Variants in BNC2 observed in about 807,000 individuals in gnomAD.
BNC2 encodes zinc finger protein basonuclin-2.
A neutral mutation model predicts 76.3 loss-of-function variants in BNC2; 20 were observed. That is an observed-to-expected ratio of 0.26 (90% CI 0.18 to 0.38). The LOEUF is 0.38. Ranked by LOEUF, BNC2 falls within the 10% of genes least tolerant of loss-of-function variation. BNC2 has a pLI of 1.00. For synonymous variants in BNC2, 582 were observed against 514.8 expected, an observed-to-expected ratio of 1.13 and a Z score of -1.77; for missense variants, 1,382 against 1,399.8, an observed-to-expected ratio of 0.99 and a Z score of 0.20.
chr9:16,755,589 A>C (rs2099460998), intron 1 of BNC2, among the ~76,000 whole-genome samples: 1 of 152,040 alleles, frequency 6.6e-6, no homozygotes, highest in South Asian at 2.1e-4. Flanking sequence ...TACCCAGTAC[A>C]TTCCCAGGGT....
intron 3 of BNC2, among the ~76,000 whole-genome samples, chr9:16,703,125 G>A (rs997843896): frequency 6.6e-6 from 1 of 152,088 alleles, no homozygotes; most frequent in African/African-American, 2.4e-5. Flanking sequence ...GATTATGAAA[G>A]GAAACTTTTA....
At chr9:16,639,210 A>G (rs1439892281) in intron 3 of BNC2, among the ~76,000 whole-genome samples, 1 of 152,234 alleles carries the variant, frequency 6.6e-6, no homozygotes, top group African/African-American at 2.4e-5. Context: ...ACATTTTATC[A>G]AAACCAAATT....
chr9:16,510,699 G>A (rs927108968), intron 5 of BNC2, among the ~76,000 whole-genome samples: 1 of 152,196 alleles, frequency 6.6e-6, no homozygotes, highest in Non-Finnish European at 1.5e-5. Context: ...TAGGGAAGGT[G>A]TAGAGGAAAT....
At chr9:16,490,101 C>T (rs1822243303) in intron 5 of BNC2, among the ~76,000 whole-genome samples, 1 of 152,174 alleles carries the variant, frequency 6.6e-6, no homozygotes, top group Admixed American at 6.5e-5. Context: ...AAAGACCTTT[C>T]TCCCCATTGT....
intron 6 of BNC2, among the ~76,000 whole-genome samples, chr9:16,426,878 C>CAGAT (rs1456289432): frequency 1.3e-5 from 2 of 152,164 alleles, no homozygotes; most frequent in Non-Finnish European, 2.9e-5. Context: ...CCCAGTCATA[C>CAGAT]AGATACATGT....
chr9:16,788,640 G>T (rs1826377707), intron 1 of BNC2, among the ~76,000 whole-genome samples: 1 of 152,016 alleles, frequency 6.6e-6, no homozygotes, highest in South Asian at 2.1e-4. Context: ...GGCCTTGGGA[G>T]CAAATTCTTG....
chr9:16,672,886 T>A (rs1443798918), intron 3 of BNC2, among the ~76,000 whole-genome samples: 2 of 152,084 alleles, frequency 1.3e-5, no homozygotes, highest in Non-Finnish European at 2.9e-5. Context: ...AAGTTCTCAT[T>A]TGGGGACATA....
intron 3 of BNC2, among the ~76,000 whole-genome samples, chr9:16,633,041 T>C (rs1045644057): frequency 1.3e-5 from 2 of 152,222 alleles, no homozygotes; most frequent in African/African-American, 4.8e-5. Context: ...GAGGAGCCTA[T>C]CTAAAGCAGG....
At chr9:16,723,088 A>G (rs1824210221) in intron 3 of BNC2, among the ~76,000 whole-genome samples, 1 of 152,192 alleles carries the variant, frequency 6.6e-6, no homozygotes, top group Non-Finnish European at 1.5e-5. Flanking sequence ...TCAACAGGCT[A>G]AAACTGCATG....
intron 3 of BNC2, among the ~76,000 whole-genome samples, chr9:16,598,677 G>C (rs942087848): frequency 6.6e-6 from 1 of 152,104 alleles, no homozygotes; most frequent in Non-Finnish European, 1.5e-5. Flanking sequence ...TGTCATTATA[G>C]AAAAGCATAT....
intron 3 of BNC2, among the ~76,000 whole-genome samples, chr9:16,691,504 C>CTTTTTTTTTTTTTTTTTTTTTTT: frequency 8.8e-6 from 1 of 113,234 alleles, no homozygotes; most frequent in Non-Finnish European, 1.8e-5. Flanking sequence ...GGTATGGGTT[C>CTTTTTTTTTTTTTTTTTTTTTTT]TTTTTTTTTT....
intron 4 of BNC2, among the ~76,000 whole-genome samples, chr9:16,568,005 T>C (rs1819215310): frequency 6.6e-6 from 1 of 152,160 alleles, no homozygotes; most frequent in East Asian, 1.9e-4. Flanking sequence ...TAATGCTAAT[T>C]TGAAGTAATT....
At chr9:16,755,419 A>G (rs958867952) in intron 1 of BNC2, among the ~76,000 whole-genome samples, 63 of 152,184 alleles carry the variant, frequency 4.1e-4, no homozygotes, top group Non-Finnish European at 7.4e-4. Flanking sequence ...GTAAACTTTT[A>G]GCTACATTAT....
At chr9:16,557,613 G>A (rs1818876632) in intron 4 of BNC2, among the ~76,000 whole-genome samples, 1 of 151,984 alleles carries the variant, frequency 6.6e-6, no homozygotes, top group Non-Finnish European at 1.5e-5. Context: ...TCATGGGTCA[G>A]AGAACATCCA....
chr9:16,795,382 GCTTTT>G (rs1160581733), intron 1 of BNC2, among the ~76,000 whole-genome samples: 1 of 91,538 alleles, frequency 1.1e-5, no homozygotes. Flanking sequence ...GCTAATTCTG[GCTTTT>G]TTTTTTTTTT....
At position 16,654,686 on chromosome 9, in the gene BNC2, C is replaced by A. The variant is rs569492926; in HGVS notation, c.331-71601G>T. Among the ~76,000 whole-genome samples the A allele has an allele frequency of 2.5e-3, 380 of 152,202 alleles. 2 individuals carry two copies. Among genetic ancestry groups the A allele is most frequent in the African/African-American group, 8.3e-3 (344 of 41,518 alleles). ...GCTTTGGAACAATTTTATACTAGAT[C>A]TGTTCTTTTTTACCCATCCCCCATG... On this transcript the variant is annotated intron_variant, in intron 3 of 6. Coordinates refer to ENST00000380672, the MANE Select transcript of BNC2 (RefSeq NM_017637.6).
rs557592858 is a variant in BNC2, at chr9:16,753,578, G to C, written c.4-15093C>G. ...CATCAAAACAAATTGTATGGCAAGG[G>C]GTAAACAGACTCAAGTTTTTAACAG... On this transcript the variant is annotated intron_variant, in intron 1 of 6. Coordinates refer to ENST00000380672, the MANE Select transcript of BNC2 (RefSeq NM_017637.6). Among the ~76,000 whole-genome samples, 17 of 152,210 alleles carry C rather than the reference G, an allele frequency of 1.1e-4. No homozygotes were observed. The South Asian group carries it at 3.5e-3, about 32-fold the overall frequency.
chr9:16,782,330 A>G (rs1431529591), intron 1 of BNC2, among the ~76,000 whole-genome samples: 1 of 151,910 alleles, frequency 6.6e-6, no homozygotes, highest in Non-Finnish European at 1.5e-5. Flanking sequence ...TTGTATAATT[A>G]AATTTTTTTA....
In BNC2 at chr9:16,552,751, T is replaced by C. The variant is rs781427509; in HGVS notation, c.448A>G (p.Ser150Gly). 3 of 1,614,150 alleles carry C rather than the reference T, an allele frequency of 1.9e-6. No individual in the cohort carries two copies. Among genetic ancestry groups the C allele is most frequent in the Non-Finnish European group, 2.5e-6 (3 of 1,180,008 alleles). The change falls in exon 5 of 7, where the codon AGC becomes GGC. Residue 150 changes from serine (S) to glycine (G), a missense_variant. Ser to Gly is a moderately conservative substitution (Grantham distance 56, BLOSUM62 0). Around this residue, in one of 3 missense-constraint regions of BNC2, gnomAD observed 557 missense variants for 540.9 expected, o/e 1.03. Coordinates refer to ENST00000380672, the MANE Select transcript of BNC2 (RefSeq NM_017637.6). Reference sequence around the variant, plus strand: ...GTGGGGTGGTACAGGTGCTGCGTGCTGAGCTTATCCAAGGCTGTGGTGGTC... The same window carrying C: ...GTGGGGTGGTACAGGTGCTGCGTGCCGAGCTTATCCAAGGCTGTGGTGGTC... ...GWVAHALDKL[S>G]TQHLYHPTQV...
Sources: gnomAD v4.1 joint callset for allele counts (sites outside exome capture counted in the v4.1 genomes callset) on GRCh38, gnomAD v4.1.1 for gene constraint, gnomAD v4.1.1 regional missense constraint, MANE v1.5 for transcripts, NCBI Gene and HGNC (gene_info 2026-07-23, HGNC 2026-07-21) for gene names.